Variants in H3C3 observed in about 807,000 individuals in gnomAD.
H3C3 encodes the protein histone H3.1.
In H3C3, 14 loss-of-function variants were observed where a neutral mutation model predicts 7.7. That is an observed-to-expected ratio of 1.81 (90% confidence interval 1.20 to 2.83). H3C3 has a LOEUF of 2.83. Ranked by LOEUF, H3C3 falls within the 30% of genes most tolerant of loss-of-function variation. H3C3 has a pLI of 0.00. For missense variants in H3C3, 205 were observed against 191.2 expected (o/e 1.07, Z -0.43); for synonymous variants, 178 against 77.1 (o/e 2.31, Z -6.86).
chr6:26,045,750 C>G lies in H3C3; in HGVS notation c.340C>G (p.His114Asp). ...CGAAGACACCAATCTGTGCGCTATT[C>G]ACGCTAAACGCGTCACCATCATGCC... ...LFEDTNLCAI[H>D]AKRVTIMPKD... Residue 114 changes from histidine (H) to aspartate (D), a missense_variant, in exon 1 of 1, where the codon CAC (histidine) becomes GAC (aspartate). By Grantham distance (81) the His-to-Asp change is moderately conservative. Coordinates refer to ENST00000612966, the MANE Select transcript of H3C3 (RefSeq NM_003531.3). 1 of 1,614,246 alleles carries G rather than the reference C, an allele frequency of 6.2e-7. No homozygotes were observed. Among genetic ancestry groups the G allele is most frequent in the Non-Finnish European group, 8.5e-7 (1 of 1,180,038 alleles).
chr6:26,045,787 A>C lies in H3C3; in HGVS notation c.377A>C (p.Gln126Pro). The C allele has an allele frequency of 6.2e-7, 1 of 1,614,222 alleles. No individual in the cohort carries two copies. The highest frequency in any genetic ancestry group is 8.5e-7 in the Non-Finnish European group (1 of 1,180,036). Residue 126 changes from glutamine (Q) to proline (P), a missense_variant, in exon 1 of 1, where the codon CAG (glutamine) becomes CCG (proline). Physicochemically the swap from Gln to Pro is moderately conservative, Grantham distance 76. Coordinates refer to ENST00000612966, the MANE Select transcript of H3C3 (RefSeq NM_003531.3). ...GTCACCATCATGCCCAAAGATATCC[A>C]GCTGGCACGTCGCATCCGTGGGGAA... ...KRVTIMPKDI[Q>P]LARRIRGERA is the part of the protein sequence containing the mutation.
rs754517911 is a variant in H3C3, at chr6:26,045,446, C to T, written c.36C>T (p.Thr12=). 1.4e-5 allele frequency: 22 copies of T among 1,610,084 alleles called. No individual in the cohort carries two copies. The highest frequency in any genetic ancestry group is 1.0e-4 in the Admixed American group (6 of 58,222). Residue 12 remains threonine (T), a synonymous_variant, in exon 1 of 1, where the codon ACC becomes ACT. Coordinates refer to ENST00000612966, the MANE Select transcript of H3C3 (RefSeq NM_003531.3). ...CGAAGCAAACAGCTCGCAAGTCTAC[C>T]GGCGGCAAAGCTCCGCGCAAGCAGC... ...ARTKQTARKS[T]GGKAPRKQLA... is the part of the protein sequence containing the mutation.
At position 26,045,415 on chromosome 6, in the gene H3C3, C is replaced by T. The variant is rs1349285466; in HGVS notation, c.5C>T (p.Ala2Val). Reference sequence around the variant, plus strand: ...TTGTGTGTGCTCTCATTGCAAATGGCTCGTACGAAGCAAACAGCTCGCAAG... The same window carrying T: ...TTGTGTGTGCTCTCATTGCAAATGGTTCGTACGAAGCAAACAGCTCGCAAG... M[A>V]RTKQTARKST... The change falls in exon 1 of 1, where the codon GCT (alanine) becomes GTT (valine). Residue 2 changes from alanine (A) to valine (V), a missense_variant. Physicochemically the swap from Ala to Val is moderately conservative, Grantham distance 64 (BLOSUM62 0). Coordinates refer to ENST00000612966, the MANE Select transcript of H3C3 (RefSeq NM_003531.3). 4 of 1,604,270 alleles carry T rather than the reference C, an allele frequency of 2.5e-6. No individual in the cohort carries two copies. The highest frequency in any genetic ancestry group is 1.1e-5 in the South Asian group (1 of 89,820).
In H3C3 at chr6:26,045,680, G is replaced by T. The variant is rs147001758; in HGVS notation, c.270G>T (p.Val90=). Residue 90 remains valine, a synonymous_variant, in exon 1 of 1, where the codon GTG becomes GTT. Coordinates refer to ENST00000612966, the MANE Select transcript of H3C3 (RefSeq NM_003531.3). ...KTDLRFQSSA[V]MALQEACEAY... ...ACCTGCGTTTCCAGAGCTCTGCGGTGATGGCGCTGCAGGAGGCTTGTGAGG... is the reference window on the plus strand; with the variant it reads ...ACCTGCGTTTCCAGAGCTCTGCGGTTATGGCGCTGCAGGAGGCTTGTGAGG... 398 of 1,614,142 alleles carry T rather than the reference G, an allele frequency of 2.5e-4. No individual in the cohort carries two copies. Among genetic ancestry groups the T allele is most frequent in the Admixed American group, 4.2e-4 (25 of 60,010 alleles).
At position 26,045,560 on chromosome 6, in the gene H3C3, C is replaced by G; in HGVS notation, c.150C>G (p.Arg50=). ...HRYRPGTVAL[R]EIRRYQKSTE... ...ACCGCCCGGGCACCGTGGCCTTGCGCGAAATCCGTCGCTACCAGAAGTCCA... is the reference window on the plus strand; with the variant it reads ...ACCGCCCGGGCACCGTGGCCTTGCGGGAAATCCGTCGCTACCAGAAGTCCA... The change falls in exon 1 of 1, where the codon CGC becomes CGG. Residue 50 remains arginine, a synonymous_variant. Transcript: ENST00000612966. 1 of 1,614,104 alleles carries G rather than the reference C, an allele frequency of 6.2e-7. No individual in the cohort carries two copies. Among genetic ancestry groups the G allele is most frequent in the South Asian group, 1.1e-5 (1 of 91,088 alleles).
chr6:26,045,661 G>A lies in H3C3; in HGVS notation c.251G>A (p.Arg84His). 6.2e-7 allele frequency: 1 copy of A among 1,614,250 alleles called. No individual in the cohort carries two copies. Among genetic ancestry groups the A allele is most frequent in the Non-Finnish European group, 8.5e-7 (1 of 1,180,050 alleles). The change falls in exon 1 of 1, where the codon CGT (arginine) becomes CAT (histidine). Residue 84 changes from arginine (R) to histidine (H), a missense_variant. Arg to His is a conservative substitution (Grantham distance 29, BLOSUM62 0). Transcript: ENST00000612966. ...GCCCAGGACTTCAAAACCGACCTGC[G>A]TTTCCAGAGCTCTGCGGTGATGGCG... ...EIAQDFKTDL[R>H]FQSSAVMALQ...
At position 26,045,541 on chromosome 6, in the gene H3C3, CG is replaced by C; in HGVS notation, c.134del (p.Gly45AlafsTer18). On this transcript the variant is annotated frameshift_variant, in exon 1 of 1. Coordinates refer to ENST00000612966, the MANE Select transcript of H3C3 (RefSeq NM_003531.3). LOFTEE classifies it high-confidence loss of function. ...GGVKKPHRYR[P>X]GTVALREIRR... ...GTGAAGAAACCTCATCGCTACCGCC[CG>C]GGCACCGTGGCCTTGCGCGAAATCC... 6.2e-7 allele frequency: 1 copy of C among 1,614,044 alleles called. No homozygotes were observed. The highest frequency in any genetic ancestry group is 1.1e-5 in the South Asian group (1 of 91,088).
Position 26,045,591 on chromosome 6 carries a change from C to G in H3C3, c.181C>G (p.Leu61Val), listed in dbSNP as rs1001071216. Residue 61 changes from leucine to valine, a missense_variant, in exon 1 of 1, where the codon CTG becomes GTG. Physicochemically the swap from Leu to Val is conservative, Grantham distance 32. Coordinates refer to ENST00000612966, the MANE Select transcript of H3C3 (RefSeq NM_003531.3). The stretch of plus-strand genomic sequence containing the variant: ...CCGTCGCTACCAGAAGTCCACCGAG[C>G]TGCTGATCCGGAAGCTGCCGTTCCA... The part of the protein sequence containing the change: ...EIRRYQKSTE[L>V]LIRKLPFQRL... 3 of 1,614,150 alleles carry G rather than the reference C, an allele frequency of 1.9e-6. No individual in the cohort carries two copies. In the Admixed American group the frequency reaches 5.0e-5, roughly 27 times the overall value.
chr6:26,045,440 G>A lies in H3C3; in HGVS notation c.30G>A (p.Lys10=), dbSNP rs767823455. Residue 10 remains lysine, a synonymous_variant, in exon 1 of 1, where the codon AAG becomes AAA. Coordinates refer to ENST00000612966, the MANE Select transcript of H3C3 (RefSeq NM_003531.3). ...CTCGTACGAAGCAAACAGCTCGCAA[G>A]TCTACCGGCGGCAAAGCTCCGCGCA... MARTKQTAR[K]STGGKAPRKQ... is the part of the protein sequence containing the mutation. 19 of 1,610,336 alleles carry A rather than the reference G, an allele frequency of 1.2e-5. No individual in the cohort carries two copies. The highest frequency in any genetic ancestry group is 1.3e-5 in the Non-Finnish European group (15 of 1,179,144).
At position 26,045,496 on chromosome 6, in the gene H3C3, G is replaced by C. The variant is rs1414504991; in HGVS notation, c.86G>C (p.Ser29Thr). 6.2e-7 allele frequency: 1 copy of C among 1,612,896 alleles called. No homozygotes were observed. Among genetic ancestry groups the C allele is most frequent in the African/African-American group, 1.3e-5 (1 of 74,792 alleles). The stretch of plus-strand genomic sequence containing the variant: ...CTTGCTACTAAAGCAGCCCGTAAGA[G>C]CGCTCCGGCCACCGGTGGCGTGAAG... ...KQLATKAARK[S>T]APATGGVKKP... The change falls in exon 1 of 1, where the codon AGC (serine) becomes ACC (threonine). Residue 29 changes from serine to threonine, a missense_variant. Coordinates refer to ENST00000612966, the MANE Select transcript of H3C3 (RefSeq NM_003531.3).
In H3C3 at chr6:26,045,866, C is replaced by G; in HGVS notation, c.*45C>G. The G allele has an allele frequency of 1.3e-6, 2 of 1,558,518 alleles. No individual in the cohort carries two copies. The highest frequency in any genetic ancestry group is 1.7e-6 in the Non-Finnish European group (2 of 1,143,288). ...ATTGAAAAGGCTCTTTTCAGAGCCACTCACAATTTCACTTAAAAACAGTTG... is the reference window on the plus strand; with the variant it reads ...ATTGAAAAGGCTCTTTTCAGAGCCAGTCACAATTTCACTTAAAAACAGTTG... On this transcript the variant is annotated 3_prime_UTR_variant, in exon 1 of 1. Coordinates refer to ENST00000612966, the MANE Select transcript of H3C3 (RefSeq NM_003531.3).
rs202100651 is a variant in H3C3 at position 26,045,596 on chromosome 6, G to A, written c.186G>A (p.Leu62=). ...IRRYQKSTEL[L]IRKLPFQRLV... is the part of the protein sequence containing the mutation. ...GCTACCAGAAGTCCACCGAGCTGCT[G>A]ATCCGGAAGCTGCCGTTCCAGCGCC... Residue 62 remains leucine (L), a synonymous_variant, in exon 1 of 1, where the codon CTG becomes CTA. Coordinates refer to ENST00000612966, the MANE Select transcript of H3C3 (RefSeq NM_003531.3). 25 of 1,614,276 alleles carry A rather than the reference G, an allele frequency of 1.5e-5. No homozygotes were observed. The East Asian group carries it at 5.1e-4, about 33-fold the overall frequency.
chr6:26,045,499 C>T lies in H3C3; in HGVS notation c.89C>T (p.Ala30Val), dbSNP rs1761728187. ...QLATKAARKS[A>V]PATGGVKKPH... ...GCTACTAAAGCAGCCCGTAAGAGCG[C>T]TCCGGCCACCGGTGGCGTGAAGAAA... is the stretch of plus-strand genomic sequence containing the variant. The change falls in exon 1 of 1, where the codon GCT becomes GTT. Residue 30 changes from alanine to valine, a missense_variant. Ala to Val is a moderately conservative substitution (Grantham distance 64). Transcript: ENST00000612966. 2.5e-6 allele frequency: 4 copies of T among 1,612,838 alleles called. No homozygotes were observed. Among genetic ancestry groups the T allele is most frequent in the Non-Finnish European group, 2.5e-6 (3 of 1,179,670 alleles).
In H3C3 at chr6:26,045,574, A is replaced by C; in HGVS notation, c.164A>C (p.Tyr55Ser). 1 of 1,614,206 alleles carries C rather than the reference A, an allele frequency of 6.2e-7. No homozygotes were observed. The highest frequency in any genetic ancestry group is 8.5e-7 in the Non-Finnish European group (1 of 1,180,014). The change falls in exon 1 of 1, where the codon TAC becomes TCC. Residue 55 changes from tyrosine (Y) to serine (S), a missense_variant. Transcript: ENST00000612966. ...GTGGCCTTGCGCGAAATCCGTCGCTACCAGAAGTCCACCGAGCTGCTGATC... is the reference window on the plus strand; with the variant it reads ...GTGGCCTTGCGCGAAATCCGTCGCTCCCAGAAGTCCACCGAGCTGCTGATC... ...GTVALREIRR[Y>S]QKSTELLIRK... is the part of the protein sequence containing the mutation.
chr6:26,045,634 T>G lies in H3C3; in HGVS notation c.224T>G (p.Ile75Ser). Residue 75 changes from isoleucine (I) to serine (S), a missense_variant, in exon 1 of 1, where the codon ATC becomes AGC. Ile to Ser is a moderately radical substitution (Grantham distance 142). Coordinates refer to ENST00000612966, the MANE Select transcript of H3C3 (RefSeq NM_003531.3). ...CCGTTCCAGCGCCTGGTGCGAGAAA[T>G]CGCCCAGGACTTCAAAACCGACCTG... Reference protein sequence around the residue: ...KLPFQRLVREIAQDFKTDLRF... With the variant: ...KLPFQRLVRESAQDFKTDLRF... 6.2e-7 allele frequency: 1 copy of G among 1,614,182 alleles called. No individual in the cohort carries two copies. The highest frequency in any genetic ancestry group is 8.5e-7 in the Non-Finnish European group (1 of 1,180,034).
chr6:26,045,786 C>T lies in H3C3; in HGVS notation c.376C>T (p.Gln126Ter), dbSNP rs750540266. Residue 126 changes from glutamine to a stop codon, truncating the protein, a stop_gained, in exon 1 of 1, where the codon CAG (glutamine) becomes TAG (stop). Transcript: ENST00000612966. LOFTEE classifies it high-confidence loss of function. ...CGTCACCATCATGCCCAAAGATATC[C>T]AGCTGGCACGTCGCATCCGTGGGGA... ...KRVTIMPKDI[Q>*]LARRIRGERA The T allele has an allele frequency of 3.7e-6, 6 of 1,614,126 alleles. No individual in the cohort carries two copies. Among genetic ancestry groups the T allele is most frequent in the Non-Finnish European group, 5.1e-6 (6 of 1,180,052 alleles).
rs149070402 is a variant in H3C3, at chr6:26,045,624, G to T, written c.214G>T (p.Val72Leu). 3 of 1,614,256 alleles carry T rather than the reference G, an allele frequency of 1.9e-6. No homozygotes were observed. In the East Asian group the frequency reaches 6.7e-5, roughly 36 times the overall value. The change falls in exon 1 of 1, where the codon GTG becomes TTG. Residue 72 changes from valine (V) to leucine (L), a missense_variant. By Grantham distance (32) the Val-to-Leu change is conservative. Transcript: ENST00000612966. The part of the protein sequence containing the change: ...LIRKLPFQRL[V>L]REIAQDFKTD... ...CCGGAAGCTGCCGTTCCAGCGCCTG[G>T]TGCGAGAAATCGCCCAGGACTTCAA... is the stretch of plus-strand genomic sequence containing the variant.
In H3C3 at chr6:26,045,785, C is replaced by G; in HGVS notation, c.375C>G (p.Ile125Met). The G allele has an allele frequency of 6.2e-7, 1 of 1,614,240 alleles. No homozygotes were observed. The highest frequency in any genetic ancestry group is 8.5e-7 in the Non-Finnish European group (1 of 1,180,040). Reference sequence around the variant, plus strand: ...GCGTCACCATCATGCCCAAAGATATCCAGCTGGCACGTCGCATCCGTGGGG... The same window carrying G: ...GCGTCACCATCATGCCCAAAGATATGCAGCTGGCACGTCGCATCCGTGGGG... The part of the protein sequence containing the change: ...AKRVTIMPKD[I>M]QLARRIRGER... The change falls in exon 1 of 1, where the codon ATC (isoleucine) becomes ATG (methionine). Residue 125 changes from isoleucine (I) to methionine (M), a missense_variant. Ile to Met is a conservative substitution (Grantham distance 10). Transcript: ENST00000612966.
At position 26,045,444 on chromosome 6, in the gene H3C3, A is replaced by G. The variant is rs750814944; in HGVS notation, c.34A>G (p.Thr12Ala). ...ARTKQTARKS[T>A]GGKAPRKQLA... ...TACGAAGCAAACAGCTCGCAAGTCT[A>G]CCGGCGGCAAAGCTCCGCGCAAGCA... Residue 12 changes from threonine (T) to alanine (A), a missense_variant, in exon 1 of 1, where the codon ACC becomes GCC. Physicochemically the swap from Thr to Ala is moderately conservative, Grantham distance 58. Transcript: ENST00000612966. 2 of 1,610,260 alleles carry G rather than the reference A, an allele frequency of 1.2e-6. No individual in the cohort carries two copies. The highest frequency in any genetic ancestry group is 1.7e-6 in the Non-Finnish European group (2 of 1,179,156).
Sources: gnomAD v4.1 joint callset for allele counts on GRCh38, gnomAD v4.1.1 for gene constraint, MANE v1.5 for transcripts, NCBI Gene and HGNC (gene_info 2026-07-23, HGNC 2026-07-21) for gene names.